PRDM10: variants seen among roughly 807,000 people sequenced by gnomAD.
The protein encoded by PRDM10 is PR/SET domain 10, also known as PR domain zinc finger protein 10.
Under a neutral mutation model 133.1 loss-of-function variants are expected in PRDM10, and 65 were observed. That is an observed-to-expected ratio of 0.49 (90% confidence interval 0.40 to 0.60). PRDM10 has a LOEUF of 0.60. Among genes scored for constraint, PRDM10 ranks in the 20% least tolerant of loss-of-function variants. The probability of loss-of-function intolerance (pLI) is 0.00; values close to 1 mark genes in which losing one functional copy is unlikely to be tolerated. For missense variants in PRDM10, 1,137 were observed against 1,507.1 expected (o/e 0.75, Z 4.07); for synonymous variants, 582 against 580.4 (o/e 1.00, Z -0.04).
intron 13 of PRDM10, among the ~76,000 whole-genome samples, chr11:129,920,806 C>G (rs1950502735): frequency 6.6e-6 from 1 of 151,900 alleles, no homozygotes; most frequent in Admixed American, 6.6e-5. Context: ...ATCCCTCTCA[C>G]AGCATTTTTG....
chr11:129,910,782 T>C, intron 18 of PRDM10, 126 bp from the exon 19 acceptor site: 1 of 985,728 alleles, frequency 1.0e-6, no homozygotes. Context: ...GTTGCTATTT[T>C]TTTTTTCTTT....
In PRDM10 at chr11:129,902,303, A is replaced by T; in HGVS notation, c.*10T>A. On this transcript the variant is annotated 3_prime_UTR_variant, in exon 21 of 21. Transcript: ENST00000360871. ...GAGGTGGGTGCTGGATTCAAGCTCC[A>T]GGGTGGAAGTCATGGTTTGGTGATA... is the stretch of plus-strand genomic sequence containing the variant. 6.2e-7 allele frequency: 1 copy of T among 1,613,380 alleles called. No homozygotes were observed. The highest frequency in any genetic ancestry group is 8.5e-7 in the Non-Finnish European group (1 of 1,179,626).
intron 17 of PRDM10, among the ~76,000 whole-genome samples, chr11:129,913,589 A>G (rs752609200): frequency 1.1e-4 from 16 of 152,200 alleles, no homozygotes; most frequent in Non-Finnish European, 1.6e-4. Flanking sequence ...AACCTTTTAT[A>G]TATCATAAAC....
At chr11:129,938,978 T>C (rs144728215) in intron 7 of PRDM10, among the ~76,000 whole-genome samples, 4,474 of 152,268 alleles carry the variant, frequency 0.029, 100 homozygotes, top group Non-Finnish European at 0.046. Context: ...AGTGCTGGGC[T>C]CTTTGCCCTC....
At position 129,923,166 on chromosome 11, in the gene PRDM10, GAA is replaced by G. The variant is rs1950564828; in HGVS notation, c.2034+80_2034+81del. The G allele has an allele frequency of 7.0e-7, 1 of 1,421,878 alleles. No individual in the cohort carries two copies. The highest frequency in any genetic ancestry group is 2.7e-5 in the Admixed American group (1 of 37,508). The allele number at this position is 1,421,878 out of a possible 1,614,324, so 88.1% of individuals were successfully genotyped here. A position where few individuals can be genotyped will look rare whatever the true frequency, so the allele number is the denominator to read the frequency against. Reference sequence around the variant, plus strand: ...CATCAGAGGTGGGTGATAAACTGATGAAATGAACAGGCATTTACCCTCAGCTT... The same window carrying G: ...CATCAGAGGTGGGTGATAAACTGATGATGAACAGGCATTTACCCTCAGCTT... On this transcript the variant is annotated intron_variant, in intron 13 of 20. Coordinates refer to ENST00000360871, the MANE Select transcript of PRDM10 (RefSeq NM_199437.2). The surrounding 1 kb of genome is among the most constrained non-coding windows in gnomAD (Gnocchi z 4.4).
rs752029138 is a variant in PRDM10 at position 129,944,907 on chromosome 11, G to C, written c.626C>G (p.Pro209Arg). ...PVLTRARASL[P>R]LVLYIDRFLG... ...AAACCTGTCTATGTAGAGCACCAGG[G>C]GGAGGCTCGCCCTGGCCCGGGTGAG... Residue 209 changes from proline to arginine, a missense_variant, in exon 6 of 21, where the codon CCC becomes CGC. Pro to Arg is a moderately radical substitution (Grantham distance 103, BLOSUM62 -2). Transcript: ENST00000360871. The C allele has an allele frequency of 2.5e-6, 4 of 1,614,124 alleles. No homozygotes were observed. Among genetic ancestry groups the C allele is most frequent in the Non-Finnish European group, 2.5e-6 (3 of 1,180,026 alleles).
intron 1 of PRDM10, among the ~76,000 whole-genome samples, chr11:129,982,153 G>A (rs778027049): frequency 3.9e-5 from 6 of 152,058 alleles, no homozygotes; most frequent in East Asian, 2.0e-4. Context: ...CAGCTACTCC[G>A]GAGGCTGAGG....
chr11:129,943,924 A>G (rs1242399461), intron 6 of PRDM10, among the ~76,000 whole-genome samples: 1 of 151,994 alleles, frequency 6.6e-6, no homozygotes. Context: ...ACCTGGAGGC[A>G]GGGGGTGCAG....
intron 7 of PRDM10, among the ~76,000 whole-genome samples, chr11:129,940,807 G>A (rs993570879): frequency 3.3e-5 from 5 of 152,188 alleles, no homozygotes; most frequent in Admixed American, 6.5e-5. Context: ...AGTTTTGAAA[G>A]TTGAACCTTT....
chr11:129,967,727 G>T (rs1445672692), intron 1 of PRDM10, among the ~76,000 whole-genome samples: 1 of 152,202 alleles, frequency 6.6e-6, no homozygotes, highest in African/African-American at 2.4e-5. Flanking sequence ...GACACTTGCA[G>T]GGTGAGAGTG....
intron 4 of PRDM10, among the ~76,000 whole-genome samples, chr11:129,953,671 T>G (rs1278522248): frequency 6.6e-6 from 1 of 151,984 alleles, no homozygotes; most frequent in Non-Finnish European, 1.5e-5. Flanking sequence ...ATTTCATTGG[T>G]TTGGTTTTTA....
intron 1 of PRDM10, among the ~76,000 whole-genome samples, chr11:129,993,347 A>G (rs1290702260): frequency 2.6e-5 from 4 of 152,186 alleles, no homozygotes; most frequent in African/African-American, 7.2e-5. Context: ...TATTAATTCT[A>G]AAAGTGTTAT....
intron 3 of PRDM10, among the ~76,000 whole-genome samples, chr11:129,956,105 CAT>C (rs1951691516): frequency 6.6e-6 from 1 of 151,928 alleles, no homozygotes. Flanking sequence ...TTCTTTTCTA[CAT>C]AGTCAGTAAA....
intron 1 of PRDM10, among the ~76,000 whole-genome samples, chr11:129,971,435 G>T (rs1051975856): frequency 3.3e-5 from 5 of 152,092 alleles, no homozygotes; most frequent in Admixed American, 1.3e-4. Flanking sequence ...GATACAGAGT[G>T]TCGACACAAA....
chr11:129,924,427 G>T (rs1189309177), intron 12 of PRDM10, among the ~76,000 whole-genome samples: 1 of 152,194 alleles, frequency 6.6e-6, no homozygotes, highest in Non-Finnish European at 1.5e-5. Flanking sequence ...GAGGCAGTCG[G>T]TTCCTGATAC....
At chr11:129,928,904 C>G (rs1950766707) in intron 11 of PRDM10, among the ~76,000 whole-genome samples, 1 of 152,190 alleles carries the variant, frequency 6.6e-6, no homozygotes, top group South Asian at 2.1e-4. Flanking sequence ...TTCTCTGAAA[C>G]AGTCTACCTT....
At chr11:129,963,214 C>T (rs1951830281) in intron 1 of PRDM10, among the ~76,000 whole-genome samples, 1 of 150,574 alleles carries the variant, frequency 6.6e-6, no homozygotes, top group African/African-American at 2.4e-5. Context: ...AAGAAAACTA[C>T]AAAATTGTAC....
At chr11:129,983,451 C>T (rs777457433) in intron 1 of PRDM10, among the ~76,000 whole-genome samples, 7 of 152,066 alleles carry the variant, frequency 4.6e-5, no homozygotes, top group African/African-American at 7.2e-5. Flanking sequence ...CCCCCCACCG[C>T]GCCCAGCTAA....
chr11:129,957,812 G>A lies in PRDM10; in HGVS notation c.168C>T (p.Ala56=). The A allele has an allele frequency of 6.2e-7, 1 of 1,614,226 alleles. No individual in the cohort carries two copies. The highest frequency in any genetic ancestry group is 8.5e-7 in the Non-Finnish European group (1 of 1,180,028). ...CTGGACCATCCACTGATGTGTAGGA[G>A]GCACCATCTGCCGTGTACACCACCT... is the stretch of plus-strand genomic sequence containing the variant. ...PQQVVYTADG[A]SYTSVDGPEH... The change falls in exon 3 of 21, where the codon GCC becomes GCT. Residue 56 remains alanine (A), a synonymous_variant. Transcript: ENST00000360871.
Sources: allele counts gnomAD v4.1 joint callset (sites outside exome capture counted in the v4.1 genomes callset), GRCh38; gene constraint gnomAD v4.1.1; non-coding constraint Gnocchi (gnomAD v3.1); transcripts MANE v1.5; gene names NCBI Gene and HGNC (gene_info 2026-07-23, HGNC 2026-07-21).